Variants in CSMD1 observed in about 807,000 individuals in gnomAD.
CSMD1 encodes the protein CUB and Sushi multiple domains 1.
A neutral mutation model predicts 417.5 loss-of-function variants in CSMD1; 213 were observed. That is an observed-to-expected ratio of 0.51 (90% CI 0.46 to 0.57). CSMD1 has a LOEUF of 0.57. CSMD1 is among the 20% of genes least tolerant of loss of function. The pLI is 0.00. For missense variants in CSMD1, 6,923 were observed against 4,529.7 expected, an observed-to-expected ratio of 1.53 and a Z score of -15.17; for synonymous variants, 2,862 against 1,736.8, an observed-to-expected ratio of 1.65 and a Z score of -16.11.
intron 8 of CSMD1, among the ~76,000 whole-genome samples, chr8:3,595,162 C>T (rs565156798): frequency 1.5e-4 from 23 of 152,304 alleles, no homozygotes; most frequent in African/African-American, 5.1e-4. Flanking sequence ...CGGATGGCCT[C>T]TGCTGAGGGA....
At chr8:4,607,640 G>A (rs1405593241) in intron 2 of CSMD1, among the ~76,000 whole-genome samples, 1 of 152,114 alleles carries the variant, frequency 6.6e-6, no homozygotes, top group African/African-American at 2.4e-5. Flanking sequence ...ATTTTTTGGT[G>A]TAAAAATGGA....
chr8:3,470,794 G>T lies in CSMD1; in HGVS notation c.1449-1970C>A, dbSNP rs4105690. ...TCACAGTGTTTAACAACCTGGGATT[G>T]GATTTTACTTAGCTTAATTCCTGGA... On this transcript the variant is annotated intron_variant, in intron 11 of 69. Transcript: ENST00000635120. Among the ~76,000 whole-genome samples, 1,164 of 152,186 alleles carry T rather than the reference G, an allele frequency of 7.6e-3. 15 individuals carry two copies. Among genetic ancestry groups the T allele is most frequent in the African/African-American group, 0.026 (1,089 of 41,528 alleles).
chr8:4,819,285 C>T (rs936638644), intron 1 of CSMD1, among the ~76,000 whole-genome samples: 2 of 152,134 alleles, frequency 1.3e-5, no homozygotes, highest in African/African-American at 4.8e-5. Flanking sequence ...TCATTAAAAA[C>T]TTGTTCATAT....
At chr8:4,438,928 T>C (rs1406430994) in intron 2 of CSMD1, among the ~76,000 whole-genome samples, 1 of 152,234 alleles carries the variant, frequency 6.6e-6, no homozygotes, top group East Asian at 1.9e-4. Flanking sequence ...TAACAATATA[T>C]GGTGTAGGAT....
At chr8:3,470,889 T>C (rs1019600374) in intron 11 of CSMD1, among the ~76,000 whole-genome samples, 3 of 152,204 alleles carry the variant, frequency 2.0e-5, no homozygotes, top group Non-Finnish European at 2.9e-5. Context: ...TGTCATGTTG[T>C]GGATATACCA....
intron 1 of CSMD1, among the ~76,000 whole-genome samples, chr8:4,766,008 C>G (rs1812438037): frequency 6.6e-6 from 1 of 152,012 alleles, no homozygotes; most frequent in African/African-American, 2.4e-5. Flanking sequence ...GGCATTCATT[C>G]AAATATATAT....
chr8:4,812,090 C>T (rs571618285), intron 1 of CSMD1, among the ~76,000 whole-genome samples: 1 of 152,158 alleles, frequency 6.6e-6, no homozygotes, highest in African/African-American at 2.4e-5. Context: ...TCGAAAATTC[C>T]TACGCAGCTG....
intron 5 of CSMD1, among the ~76,000 whole-genome samples, chr8:3,916,497 T>C (rs1808840395): frequency 6.6e-6 from 1 of 152,170 alleles, no homozygotes; most frequent in Non-Finnish European, 1.5e-5. Flanking sequence ...TTCTGATAAA[T>C]GGGAATTAAC....
intron 5 of CSMD1, among the ~76,000 whole-genome samples, chr8:3,823,452 G>A (rs913217894): frequency 6.6e-6 from 1 of 152,086 alleles, no homozygotes; most frequent in Non-Finnish European, 1.5e-5. Context: ...AGTATAAAAC[G>A]TTTGCAATTT....
At chr8:4,918,196 C>T (rs540827417) in intron 1 of CSMD1, among the ~76,000 whole-genome samples, 23 of 152,266 alleles carry the variant, frequency 1.5e-4, no homozygotes, top group South Asian at 1.2e-3. Context: ...GAAATCATTA[C>T]GAAGGGGATG....
intron 1 of CSMD1, among the ~76,000 whole-genome samples, chr8:4,977,084 C>T (rs895194240): frequency 1.3e-5 from 2 of 152,078 alleles, no homozygotes; most frequent in African/African-American, 2.4e-5. Flanking sequence ...GTTATATTGG[C>T]GTTTCTCTCA....
intron 2 of CSMD1, among the ~76,000 whole-genome samples, chr8:4,621,343 G>A (rs1444825218): frequency 2.6e-5 from 4 of 152,054 alleles, no homozygotes; most frequent in African/African-American, 7.2e-5. Context: ...CACTTATGAT[G>A]TCATGTTGGC....
intron 3 of CSMD1, among the ~76,000 whole-genome samples, chr8:4,133,689 T>C (rs1007828378): frequency 1.5e-5 from 2 of 135,154 alleles, no homozygotes; most frequent in Non-Finnish European, 3.1e-5. Flanking sequence ...CAAACATTTT[T>C]ACACCATAAT....
chr8:3,016,842 C>G (rs530362448), intron 52 of CSMD1, among the ~76,000 whole-genome samples: 1 of 152,060 alleles, frequency 6.6e-6, no homozygotes, highest in African/African-American at 2.4e-5. Context: ...AGCACTGAGA[C>G]ATGTTTGGGG....
intron 40 of CSMD1, among the ~76,000 whole-genome samples, chr8:3,146,899 G>A (rs1162960595): frequency 6.6e-6 from 1 of 152,148 alleles, no homozygotes; most frequent in Non-Finnish European, 1.5e-5. Flanking sequence ...TTAACTCCTG[G>A]ATTAGACAAT....
chr8:3,607,956 G>C (rs1192696227), intron 8 of CSMD1, among the ~76,000 whole-genome samples: 1 of 152,098 alleles, frequency 6.6e-6, no homozygotes, highest in African/African-American at 2.4e-5. Flanking sequence ...GATCACTTGA[G>C]GTCAGGAGTT....
intron 11 of CSMD1, among the ~76,000 whole-genome samples, chr8:3,473,153 T>G (rs935904965): frequency 3.9e-5 from 6 of 152,214 alleles, no homozygotes; most frequent in Non-Finnish European, 7.3e-5. Flanking sequence ...TACCTCTCAG[T>G]CGATATATTT....
intron 12 of CSMD1, among the ~76,000 whole-genome samples, chr8:3,466,680 T>A (rs1336370026): frequency 6.6e-6 from 1 of 151,414 alleles, no homozygotes; most frequent in Non-Finnish European, 1.5e-5. Flanking sequence ...CCGCCTGCCT[T>A]GGTCTCCCAA....
At chr8:3,602,762 C>G (rs1801424292) in intron 8 of CSMD1, among the ~76,000 whole-genome samples, 1 of 151,358 alleles carries the variant, frequency 6.6e-6, no homozygotes, top group African/African-American at 2.4e-5. Flanking sequence ...AAAAGTGTTA[C>G]AGAAGGTCAT....
Sources: allele counts gnomAD v4.1 joint callset (sites outside exome capture counted in the v4.1 genomes callset), GRCh38; gene constraint gnomAD v4.1.1; transcripts MANE v1.5; gene names NCBI Gene and HGNC (gene_info 2026-07-23, HGNC 2026-07-21).